The following NECTIN3 variants were observed in gnomAD, a reference collection of about 807,000 sequenced individuals.
NECTIN3 encodes the protein nectin-3.
In NECTIN3, 8 loss-of-function variants were observed where a neutral mutation model predicts 49.4. The observed-to-expected ratio is 0.16, with a 90% CI of 0.10 to 0.29. The LOEUF (loss-of-function observed/expected upper bound fraction) is 0.29. Among genes scored for constraint, NECTIN3 ranks in the 10% least tolerant of loss-of-function variants. The pLI is 1.00. For synonymous variants in NECTIN3, 277 were observed against 241.1 expected, an observed-to-expected ratio of 1.15 and a Z score of -1.38; for missense variants, 581 against 654.6, an observed-to-expected ratio of 0.89 and a Z score of 1.23.
rs56219611 is a variant in NECTIN3 at position 111,149,459 on chromosome 3, ATGTGTGTGTGTGTGTGTGTGTGTGTG to A, written c.1221+1999_1221+2024del. On this transcript the variant is annotated intron_variant, in intron 7 of 8. Coordinates refer to the NECTIN3 transcript ENST00000493615. ...CCAGATAAGCCTCTATTCTGGTAGGATGTGTGTGTGTGTGTGTGTGTGTGTGTGTGTGTGTGTGTGTGTGTGTGTAG... is the reference window on the plus strand; with the variant it reads ...CCAGATAAGCCTCTATTCTGGTAGGATGTGTGTGTGTGTGTGTGTGTGTAG... 2.4e-4 allele frequency among the ~76,000 whole-genome samples: 31 copies of A among 128,404 alleles called. No homozygotes were observed. In the East Asian group the frequency reaches 6.5e-3, roughly 27 times the overall value. The allele number at this position is 128,404 out of a possible 152,430, so 84.2% of individuals were successfully genotyped here.
intron 2 of NECTIN3, among the ~76,000 whole-genome samples, chr3:111,115,568 C>A (rs1279128204): frequency 6.6e-6 from 1 of 152,160 alleles, no homozygotes; most frequent in Non-Finnish European, 1.5e-5. Context: ...TCCCAAGTGA[C>A]TTATGTACAC....
rs2107493944 is a variant in NECTIN3 at position 111,133,732 on chromosome 3, C to T, written c.1167C>T (p.Phe389=). ...CAACAGAACCTAAAAAATTGCCCTTCCCATTGTCAACTTTGGCAACAATTA... is the reference window on the plus strand; with the variant it reads ...CAACAGAACCTAAAAAATTGCCCTTTCCATTGTCAACTTTGGCAACAATTA... ...DLATEPKKLP[F]PLSTLATIKD... The change falls in exon 6 of 6, where the codon TTC becomes TTT. Residue 389 remains phenylalanine, a synonymous_variant. Coordinates refer to ENST00000485303, the MANE Select transcript of NECTIN3 (RefSeq NM_015480.3). The T allele has an allele frequency of 6.2e-7, 1 of 1,613,970 alleles. No homozygotes were observed.
chr3:111,126,570 T>C (rs368082668), intron 5 of NECTIN3, among the ~76,000 whole-genome samples: 95 of 152,274 alleles, frequency 6.2e-4, no homozygotes, highest in African/African-American at 2.3e-3. Flanking sequence ...TATTTACTTT[T>C]TGATGCCTGT....
exon 1 of NECTIN3, chr3:111,192,401 T>C (rs1248859279): frequency 6.5e-7 from 1 of 1,535,598 alleles, no homozygotes; most frequent in Non-Finnish European, 8.7e-7. Context: ...AAGTTGGCAA[T>C]CTTCAGCACT....
intron 7 of NECTIN3, among the ~76,000 whole-genome samples, chr3:111,181,532 C>A (rs1388738211): frequency 6.6e-6 from 1 of 152,034 alleles, no homozygotes; most frequent in African/African-American, 2.4e-5. Context: ...TTTTTAAGAG[C>A]AGTGTTATTC....
At chr3:111,143,548 A>ATT (rs2107506584) in intron 5 of NECTIN3, among the ~76,000 whole-genome samples, 1 of 152,112 alleles carries the variant, frequency 6.6e-6, no homozygotes, top group African/African-American at 2.4e-5. Flanking sequence ...AAATACTTAT[A>ATT]AATATGTATT....
At chr3:111,095,873 T>C (rs1016107954) in intron 1 of NECTIN3, among the ~76,000 whole-genome samples, 4 of 152,206 alleles carry the variant, frequency 2.6e-5, no homozygotes, top group African/African-American at 9.6e-5. Flanking sequence ...ATTAATCCTC[T>C]TCCCTTTGTA....
At chr3:111,155,246 T>C (rs2035074707) in intron 7 of NECTIN3, among the ~76,000 whole-genome samples, 1 of 152,202 alleles carries the variant, frequency 6.6e-6, no homozygotes, top group Non-Finnish European at 1.5e-5. Flanking sequence ...CAACAGTGAC[T>C]TTTGAGAAAA....
intron 1 of NECTIN3, chr3:111,072,616 C>T (rs2030864238): frequency 6.6e-7 from 1 of 1,514,248 alleles, no homozygotes; most frequent in South Asian, 1.2e-5. Context: ...ATGAAGCCTC[C>T]GGGTCCACTT....
rs2034615162 is a variant in NECTIN3, at chr3:111,137,337, A to T, written c.*3122A>T. The T allele has an allele frequency of 2.1e-6, 2 of 972,416 alleles. No individual in the cohort carries two copies. Among genetic ancestry groups the T allele is most frequent in the African/African-American group, 1.8e-5 (1 of 56,818 alleles). The allele number at this position is 972,416 out of a possible 1,614,324, so 60.2% of individuals were successfully genotyped here. A position where few individuals can be genotyped will look rare whatever the true frequency, so the allele number is the denominator to read the frequency against. ...TGTTTACTTGTTAATTAGAAAATGC[A>T]TCCTTCATAAACAGCTCCTTTCTCA... On this transcript the variant is annotated 3_prime_UTR_variant, in exon 6 of 6. Coordinates refer to ENST00000485303, the MANE Select transcript of NECTIN3 (RefSeq NM_015480.3).
At chr3:111,193,490 T>G in intron 1 of NECTIN3, 14 of 1,212,236 alleles carry the variant, frequency 1.2e-5, no homozygotes, top group Non-Finnish European at 1.6e-5. Flanking sequence ...AGTCCCACTC[T>G]AAGGGTATTG....
At chr3:111,131,208 A>T (rs2034376261) in intron 5 of NECTIN3, among the ~76,000 whole-genome samples, 1 of 152,032 alleles carries the variant, frequency 6.6e-6, no homozygotes, top group African/African-American at 2.4e-5. Context: ...GGCAGAACTC[A>T]TTAGAAAAGG....
At chr3:111,140,205 A>G (rs963697426), downstream of NECTIN3, among the ~76,000 whole-genome samples, 1 of 151,646 alleles carries the variant, frequency 6.6e-6, no homozygotes, top group Non-Finnish European at 1.5e-5. Flanking sequence ...GTTTATCTTT[A>G]TGTTCTAGAT....
chr3:111,141,543 A>G (rs1472134003), downstream of NECTIN3, among the ~76,000 whole-genome samples: 4 of 151,898 alleles, frequency 2.6e-5, no homozygotes, highest in Non-Finnish European at 4.4e-5. Context: ...ATTTTTTATT[A>G]GTTGATAACT....
At chr3:111,101,870 G>T (rs1042545244) in intron 1 of NECTIN3, among the ~76,000 whole-genome samples, 5 of 152,074 alleles carry the variant, frequency 3.3e-5, no homozygotes, top group African/African-American at 1.2e-4. Context: ...TTTGTATTCA[G>T]CCTTCGTTTC....
intron 7 of NECTIN3, among the ~76,000 whole-genome samples, chr3:111,151,475 T>A (rs2034999353): frequency 6.6e-6 from 1 of 151,974 alleles, no homozygotes; most frequent in Non-Finnish European, 1.5e-5. Context: ...ATAGAAATAT[T>A]TTTAAATGTT....
intron 1 of NECTIN3, among the ~76,000 whole-genome samples, chr3:111,074,024 T>C: frequency 6.6e-6 from 1 of 152,136 alleles, no homozygotes; most frequent in East Asian, 1.9e-4. Context: ...GTGTAGTGTT[T>C]AGAGTCAACT....
Position 111,137,531 on chromosome 3 carries a change from A to T in NECTIN3, c.*3316A>T. On this transcript the variant is annotated 3_prime_UTR_variant, in exon 6 of 6. Coordinates refer to ENST00000485303, the MANE Select transcript of NECTIN3 (RefSeq NM_015480.3). Reference sequence around the variant, plus strand: ...CCAATAGCCATGCATGAAATCTTTAAATAAAAGTTAAAAAAGTTCTTTAGA... The same window carrying T: ...CCAATAGCCATGCATGAAATCTTTATATAAAAGTTAAAAAAGTTCTTTAGA... 1.0e-6 allele frequency: 1 copy of T among 970,564 alleles called. No individual in the cohort carries two copies. Among genetic ancestry groups the T allele is most frequent in the Non-Finnish European group, 1.2e-6 (1 of 819,002 alleles). 60.1% of individuals were successfully genotyped at this position (970,564 alleles called of 1,614,324 possible).
upstream of NECTIN3, among the ~76,000 whole-genome samples, chr3:111,191,094 C>T (rs916015508): frequency 7.9e-5 from 12 of 152,088 alleles, no homozygotes; most frequent in African/African-American, 2.9e-4. Flanking sequence ...CATGTGGAGA[C>T]ATTCAGGCAT....
Sources: allele counts gnomAD v4.1 joint callset (sites outside exome capture counted in the v4.1 genomes callset), GRCh38; gene constraint gnomAD v4.1.1; transcripts MANE v1.5; gene names NCBI Gene and HGNC (gene_info 2026-07-23, HGNC 2026-07-21).